Variants in NPAS3 observed in about 807,000 individuals in gnomAD.
NPAS3 encodes neuronal PAS domain-containing protein 3.
Under a neutral mutation model 73.1 loss-of-function variants are expected in NPAS3, and 14 were observed. The ratio of observed to expected loss-of-function variants is 0.19; its 90% CI spans 0.13 to 0.30. The LOEUF (loss-of-function observed/expected upper bound fraction) is 0.30. Ranked by LOEUF, NPAS3 falls within the 10% of genes least tolerant of loss-of-function variation. The pLI is 1.00. For missense variants in NPAS3, 1,096 were observed against 1,250.0 expected (o/e 0.88, Z 1.86); for synonymous variants, 620 against 541.5 (o/e 1.14, Z -2.01).
chr14:33,589,515 G>A (rs928218617), intron 5 of NPAS3, among the ~76,000 whole-genome samples: 5 of 152,148 alleles, frequency 3.3e-5, no homozygotes, highest in South Asian at 2.1e-4. Context: ...ATTAGTCAGC[G>A]TTGGATGAGT....
intron 1 of NPAS3, among the ~76,000 whole-genome samples, chr14:32,984,598 T>G (rs1276500154): frequency 6.6e-6 from 1 of 152,198 alleles, no homozygotes; most frequent in African/African-American, 2.4e-5. Flanking sequence ...TCTTTGGTAT[T>G]CACAAAATTC....
At chr14:33,257,143 C>T (rs558724209) in intron 3 of NPAS3, among the ~76,000 whole-genome samples, 5 of 152,302 alleles carry the variant, frequency 3.3e-5, no homozygotes, top group African/African-American at 1.2e-4. Flanking sequence ...TGTCCCAACC[C>T]TCCTTCTTCC....
At chr14:33,646,346 ACATTTTCT>A (rs1382895069) in intron 5 of NPAS3, among the ~76,000 whole-genome samples, 2 of 152,140 alleles carry the variant, frequency 1.3e-5, no homozygotes, top group Non-Finnish European at 2.9e-5. Flanking sequence ...ACCTTTTCTT[ACATTTTCT>A]TAAATTTATT....
intron 4 of NPAS3, among the ~76,000 whole-genome samples, chr14:33,421,737 C>T (rs1482326431): frequency 6.6e-6 from 1 of 151,850 alleles, no homozygotes; most frequent in African/African-American, 2.4e-5. Flanking sequence ...TTGTATTGAA[C>T]TTACTTTTTA....
chr14:33,582,406 GTGGTT>G (rs542969113), intron 5 of NPAS3, among the ~76,000 whole-genome samples: 54 of 152,290 alleles, frequency 3.5e-4, no homozygotes, highest in African/African-American at 1.3e-3. Flanking sequence ...GAGAAGCAAT[GTGGTT>G]TTTATGTTGC....
intron 1 of NPAS3, among the ~76,000 whole-genome samples, chr14:33,028,746 C>A (rs2039891341): frequency 6.6e-6 from 1 of 151,976 alleles, no homozygotes; most frequent in African/African-American, 2.4e-5. Flanking sequence ...TTGAAGAAAA[C>A]ATTACAGAGG....
At chr14:33,721,269 G>A (rs985681728) in intron 6 of NPAS3, among the ~76,000 whole-genome samples, 1 of 152,078 alleles carries the variant, frequency 6.6e-6, no homozygotes, top group Non-Finnish European at 1.5e-5. Flanking sequence ...TCGGGGAGAG[G>A]TATTCTGTTA....
At chr14:33,604,583 A>G (rs1470447883) in intron 5 of NPAS3, among the ~76,000 whole-genome samples, 1 of 152,174 alleles carries the variant, frequency 6.6e-6, no homozygotes, top group Non-Finnish European at 1.5e-5. Context: ...ATCTTTAAAT[A>G]GCACTATCTA....
rs2035916972 is a variant in NPAS3 at position 32,939,986 on chromosome 14, C to T, written c.50+620C>T. Among the ~76,000 whole-genome samples, 4 of 152,332 alleles carry T rather than the reference C, an allele frequency of 2.6e-5. No homozygotes were observed. In the South Asian group the frequency reaches 8.3e-4, roughly 32 times the overall value. On this transcript the variant is annotated intron_variant, in intron 1 of 11. Coordinates refer to ENST00000356141, the Ensembl canonical transcript of NPAS3. ...CGCCGCCTCCCTGCCTCCCGGGCTGCGCCCTCCGCTCGGCAACTTGTGGGT... is the reference window on the plus strand; with the variant it reads ...CGCCGCCTCCCTGCCTCCCGGGCTGTGCCCTCCGCTCGGCAACTTGTGGGT...
At chr14:33,405,097 T>C (rs2047607037) in intron 4 of NPAS3, among the ~76,000 whole-genome samples, 1 of 152,100 alleles carries the variant, frequency 6.6e-6, no homozygotes, top group Non-Finnish European at 1.5e-5. Context: ...TCTAGTATGC[T>C]GTGCACATTG....
chr14:33,408,867 A>T (rs570731416), intron 4 of NPAS3, among the ~76,000 whole-genome samples: 1 of 152,158 alleles, frequency 6.6e-6, no homozygotes, highest in Non-Finnish European at 1.5e-5. Flanking sequence ...AGTTCTTGAG[A>T]TTTCTGTGAG....
At chr14:33,544,954 A>G (rs1028128464) in intron 4 of NPAS3, among the ~76,000 whole-genome samples, 2 of 149,910 alleles carry the variant, frequency 1.3e-5, no homozygotes, top group Non-Finnish European at 3.0e-5. Flanking sequence ...GCTTATAAAA[A>G]TCATTTTTCT....
At chr14:33,193,971 T>C (rs2046259797) in intron 2 of NPAS3, among the ~76,000 whole-genome samples, 1 of 152,222 alleles carries the variant, frequency 6.6e-6, no homozygotes, top group Non-Finnish European at 1.5e-5. Context: ...GTTCAGACTG[T>C]GAATTCATTC....
chr14:33,146,412 A>G (rs1339667462), intron 2 of NPAS3, among the ~76,000 whole-genome samples: 1 of 152,194 alleles, frequency 6.6e-6, no homozygotes, highest in Non-Finnish European at 1.5e-5. Flanking sequence ...TGAGGGTTAA[A>G]TGAGATGACA....
chr14:33,089,460 AAAGAAATGAACAAAGCCTCC>A (rs1314627071), intron 2 of NPAS3, among the ~76,000 whole-genome samples: 1 of 152,198 alleles, frequency 6.6e-6, no homozygotes, highest in East Asian at 1.9e-4. Flanking sequence ...AAAAGAGTAA[AAAGAAATGAACAAAGCCTCC>A]AAGAAATATG....
At position 33,684,188 on chromosome 14, in the gene NPAS3, G is replaced by A. The variant is rs189649377; in HGVS notation, c.733+7803G>A. ...GGGATTCTGAAGTTAAGAGAGAAAC[G>A]TAACTATCCTCTTATGCACGTATTT... is the stretch of plus-strand genomic sequence containing the variant. On this transcript the variant is annotated intron_variant, in intron 6 of 11. Coordinates refer to ENST00000356141, the Ensembl canonical transcript of NPAS3. 1.7e-4 allele frequency among the ~76,000 whole-genome samples: 26 copies of A among 150,634 alleles called. No homozygotes were observed. In the East Asian group the frequency reaches 3.7e-3, roughly 22 times the overall value.
At chr14:33,253,518 AT>A (rs1316125134) in intron 3 of NPAS3, among the ~76,000 whole-genome samples, 1 of 151,938 alleles carries the variant, frequency 6.6e-6, no homozygotes. Flanking sequence ...CCTGGGTTCC[AT>A]TTCCTATGAT....
chr14:33,060,475 C>A (rs2041057208), intron 2 of NPAS3, among the ~76,000 whole-genome samples: 1 of 152,152 alleles, frequency 6.6e-6, no homozygotes, highest in Non-Finnish European at 1.5e-5. Flanking sequence ...CCAAGTGTAA[C>A]CAAGATTGAG....
intron 3 of NPAS3, among the ~76,000 whole-genome samples, chr14:33,330,538 A>G (rs1040418971): frequency 4.6e-5 from 7 of 152,226 alleles, no homozygotes; most frequent in African/African-American, 1.7e-4. Flanking sequence ...ACACTCTTTA[A>G]GTTCATAATT....
Sources: allele counts gnomAD v4.1 joint callset (sites outside exome capture counted in the v4.1 genomes callset), GRCh38; gene constraint gnomAD v4.1.1; transcripts MANE v1.5; gene names NCBI Gene and HGNC (gene_info 2026-07-23, HGNC 2026-07-21).